Variants in XIRP2 observed in about 807,000 individuals in gnomAD.
XIRP2 encodes the protein xin actin binding repeat containing 2.
A neutral mutation model predicts 277.0 loss-of-function variants in XIRP2; 236 were observed. The ratio of observed to expected loss-of-function variants is 0.85; its 90% CI spans 0.77 to 0.95. The LOEUF (loss-of-function observed/expected upper bound fraction) is 0.95, where lower values mean the gene tolerates loss of function less well. Among genes scored for constraint, XIRP2 ranks in the 40% least tolerant of loss-of-function variants. The pLI is 0.00. For synonymous variants in XIRP2, 1,490 were observed against 1,416.5 expected (o/e 1.05, Z -1.17); for missense variants, 4,640 against 4,157.5 (o/e 1.12, Z -3.19).
At chr2:166,912,671 G>A (rs1684743441) in intron 2 of XIRP2, among the ~76,000 whole-genome samples, 1 of 152,190 alleles carries the variant, frequency 6.6e-6, no homozygotes, top group African/African-American at 2.4e-5. Flanking sequence ...TCCTTTGGAG[G>A]GGGAGAGGTG....
At chr2:167,254,345 T>TTTTAC (rs1695602608) in intron 10 of XIRP2, among the ~76,000 whole-genome samples, 180 bp downstream of exon 10, 1 of 151,914 alleles carries the variant, frequency 6.6e-6, no homozygotes, top group African/African-American at 2.4e-5. Context: ...CCTTTAGGAA[T>TTTTAC]TTTACTTTTC....
Position 167,247,805 on chromosome 2 carries a change from G to A in XIRP2, c.6413G>A (p.Gly2138Asp). ...ELRNDHQKME[G>D]FHIKSPKKTK... Reference sequence around the variant, plus strand: ...AGAAATGACCACCAGAAAATGGAGGGTTTTCATATAAAGAGTCCTAAAAAG... The same window carrying A: ...AGAAATGACCACCAGAAAATGGAGGATTTTCATATAAAGAGTCCTAAAAAG... The change falls in exon 9 of 11, where the codon GGT becomes GAT. Residue 2138 changes from glycine to aspartate, a missense_variant. By Grantham distance (94) the Gly-to-Asp change is moderately conservative. Transcript: ENST00000409195. The A allele has an allele frequency of 1.2e-6, 2 of 1,613,148 alleles. No individual in the cohort carries two copies. Among genetic ancestry groups the A allele is most frequent in the Non-Finnish European group, 1.7e-6 (2 of 1,179,620 alleles).
chr2:167,057,365 C>G (rs1689063223), intron 2 of XIRP2, among the ~76,000 whole-genome samples: 1 of 151,918 alleles, frequency 6.6e-6, no homozygotes, highest in South Asian at 2.1e-4. Flanking sequence ...TTTGTTTCAC[C>G]AAGTGAATTT....
chr2:167,023,632 A>C (rs1040396241), intron 2 of XIRP2, among the ~76,000 whole-genome samples: 2 of 152,008 alleles, frequency 1.3e-5, no homozygotes, highest in African/African-American at 4.8e-5. Context: ...TAATTTTTGT[A>C]TAAGGTGTAA....
At chr2:167,117,339 A>G (rs1228824056) in intron 2 of XIRP2, among the ~76,000 whole-genome samples, 1 of 152,150 alleles carries the variant, frequency 6.6e-6, no homozygotes, top group African/African-American at 2.4e-5. Flanking sequence ...ACACACACAC[A>G]ATGTATCAGC....
intron 5 of XIRP2, among the ~76,000 whole-genome samples, chr2:167,226,587 T>TTG (rs1694608808): frequency 1.3e-5 from 2 of 152,146 alleles, no homozygotes; most frequent in Non-Finnish European, 2.9e-5. Flanking sequence ...TAGAAAAGCC[T>TTG]TTTCTTCAAG....
chr2:167,112,091 T>C (rs536194883), intron 2 of XIRP2, among the ~76,000 whole-genome samples: 1 of 152,256 alleles, frequency 6.6e-6, no homozygotes, highest in Admixed American at 6.5e-5. Flanking sequence ...TTATCTATCT[T>C]ATTAATTTTT....
At chr2:166,939,098 G>T (rs777445680) in intron 2 of XIRP2, among the ~76,000 whole-genome samples, 10 of 152,130 alleles carry the variant, frequency 6.6e-5, no homozygotes, top group Admixed American at 3.3e-4. Flanking sequence ...TCAATTTAAG[G>T]TTAATATAGT....
intron 2 of XIRP2, among the ~76,000 whole-genome samples, chr2:167,024,226 G>A (rs371396682): frequency 1.3e-5 from 2 of 152,114 alleles, no homozygotes; most frequent in African/African-American, 2.4e-5. Flanking sequence ...TTGTGAATGG[G>A]AGTTCACTCA....
At chr2:167,095,387 G>A (rs1376786068) in intron 2 of XIRP2, among the ~76,000 whole-genome samples, 1 of 152,076 alleles carries the variant, frequency 6.6e-6, no homozygotes, top group Non-Finnish European at 1.5e-5. Context: ...TACTTTTCTT[G>A]TGCCGGTTTT....
chr2:167,245,847 T>A lies in XIRP2; in HGVS notation c.4455T>A (p.Gly1485=), dbSNP rs1215193142. 1 of 1,613,562 alleles carries A rather than the reference T, an allele frequency of 6.2e-7. No homozygotes were observed. Among genetic ancestry groups the A allele is most frequent in the Non-Finnish European group, 8.5e-7 (1 of 1,179,738 alleles). The change falls in exon 9 of 11, where the codon GGT becomes GGA. Residue 1485 remains glycine (G), a synonymous_variant. Transcript: ENST00000409195. ...KTVTQEDVQK[G]DVKQAVWLFE... Reference sequence around the variant, plus strand: ...TCACTCAGGAAGATGTGCAGAAAGGTGATGTTAAGCAGGCTGTGTGGCTTT... The same window carrying A: ...TCACTCAGGAAGATGTGCAGAAAGGAGATGTTAAGCAGGCTGTGTGGCTTT...
intron 2 of XIRP2, among the ~76,000 whole-genome samples, chr2:167,016,063 C>G (rs1325426811): frequency 1.3e-5 from 2 of 151,676 alleles, no homozygotes; most frequent in African/African-American, 4.8e-5. Context: ...TCCAAGCCTC[C>G]AAGTTCACGT....
chr2:167,144,995 T>C (rs1043575982), intron 3 of XIRP2, among the ~76,000 whole-genome samples: 2 of 152,340 alleles, frequency 1.3e-5, no homozygotes, highest in East Asian at 3.9e-4. Context: ...GATGGTTTGC[T>C]GTGGATATTT....
intron 3 of XIRP2, among the ~76,000 whole-genome samples, chr2:167,166,290 TC>T (rs1427789664): frequency 6.6e-6 from 1 of 152,226 alleles, no homozygotes; most frequent in Non-Finnish European, 1.5e-5. Flanking sequence ...GTTATTAATT[TC>T]TAACTTAATT....
intron 3 of XIRP2, among the ~76,000 whole-genome samples, chr2:167,197,013 G>A (rs1009131791): frequency 3.3e-5 from 5 of 152,122 alleles, no homozygotes; most frequent in Admixed American, 3.3e-4. Context: ...ATATAATAAT[G>A]AGAAATTTTG....
At chr2:167,218,497 C>T (rs1050345488) in intron 5 of XIRP2, among the ~76,000 whole-genome samples, 197 bp downstream of exon 5, 4 of 152,054 alleles carry the variant, frequency 2.6e-5, no homozygotes, top group African/African-American at 9.7e-5. Flanking sequence ...AGCATTTTTG[C>T]CAAATTTCTA....
intron 2 of XIRP2, among the ~76,000 whole-genome samples, chr2:167,000,748 T>A (rs1397697): frequency 6.6e-5 from 10 of 151,948 alleles, no homozygotes; most frequent in African/African-American, 9.7e-5. Flanking sequence ...ATATTCCAAT[T>A]GTTTCAAATT....
At chr2:167,207,925 CT>C (rs1430471921) in intron 3 of XIRP2, among the ~76,000 whole-genome samples, 1 of 151,866 alleles carries the variant, frequency 6.6e-6, no homozygotes, top group African/African-American at 2.4e-5. Flanking sequence ...GTTTTTTCTG[CT>C]TTGTGGGATG....
At chr2:167,172,097 G>T (rs111858687) in intron 3 of XIRP2, among the ~76,000 whole-genome samples, 15,015 of 152,048 alleles carry the variant, frequency 0.099, 800 homozygotes, top group South Asian at 0.15. Context: ...AGTGTTGGCC[G>T]GTCTGAGAAA....
Sources: gnomAD v4.1 joint callset for allele counts (sites outside exome capture counted in the v4.1 genomes callset) on GRCh38, gnomAD v4.1.1 for gene constraint, MANE v1.5 for transcripts, NCBI Gene and HGNC (gene_info 2026-07-23, HGNC 2026-07-21) for gene names.